Variants in LYPD8 observed in about 807,000 individuals in gnomAD.
LYPD8 encodes the protein LY6/PLAUR domain containing 8.
A neutral mutation model predicts 1.7 loss-of-function variants in LYPD8; 8 were observed. The observed-to-expected ratio is 4.58, with a 90% CI of 2.69 to 8.27. The LOEUF (loss-of-function observed/expected upper bound fraction) is 8.27, where lower values mean the gene tolerates loss of function less well. Among genes scored for constraint, LYPD8 ranks in the 30% most tolerant of loss-of-function variants. The pLI, the probability that LYPD8 is intolerant of heterozygous loss-of-function variation, is 0.00. For synonymous variants in LYPD8, 50 were observed against 43.6 expected, an observed-to-expected ratio of 1.15 and a Z score of -0.58; for missense variants, 112 against 102.3, an observed-to-expected ratio of 1.09 and a Z score of -0.41.
intron 6 of LYPD8, among the ~76,000 whole-genome samples, chr1:248,740,462 T>A (rs781871873): frequency 1.2e-4 from 19 of 152,254 alleles, no homozygotes; most frequent in Non-Finnish European, 2.2e-4. Flanking sequence ...CTGGGGCATT[T>A]GGACAAAAGA....
intron 2 of LYPD8, among the ~76,000 whole-genome samples, chr1:248,752,613 ACATCACAC>A (rs1662819406): frequency 1.6e-5 from 2 of 124,426 alleles, no homozygotes; most frequent in African/African-American, 5.9e-5. Flanking sequence ...CACCCCACAC[ACATCACAC>A]ACACACACCA....
intron 6 of LYPD8, among the ~76,000 whole-genome samples, chr1:248,743,721 G>A (rs1237325741): frequency 3.3e-5 from 5 of 152,190 alleles, no homozygotes; most frequent in African/African-American, 1.2e-4. Flanking sequence ...CTAGCCAGTG[G>A]AATGTGGGAG....
At position 248,751,112 on chromosome 1, in the gene LYPD8, G is replaced by T. The variant is rs1241698789; in HGVS notation, c.-31C>A. 5.0e-6 allele frequency: 2 copies of T among 398,444 alleles called. No homozygotes were observed. The highest frequency in any genetic ancestry group is 8.8e-6 in the Non-Finnish European group (2 of 226,062). The allele number at this position is 398,444 out of a possible 1,614,324, so 24.7% of individuals were successfully genotyped here. A position where few individuals can be genotyped will look rare whatever the true frequency, so the allele number is the denominator to read the frequency against. On this transcript the variant is annotated 5_prime_UTR_variant, in exon 3 of 7. Coordinates refer to ENST00000590317, the MANE Select transcript of LYPD8 (RefSeq NM_001085474.2). ...TGGAGCTGACTTCTCCCAAGGATGG[G>T]GACCACAGGGCCTCAAGCCTGAAAA...
intron 2 of LYPD8, among the ~76,000 whole-genome samples, chr1:248,755,008 C>A (rs1662899563): frequency 6.6e-6 from 1 of 152,048 alleles, no homozygotes. Flanking sequence ...AGAAGGAGAC[C>A]CCAGCAGCCC....
At chr1:248,752,401 G>A (rs1232185624) in intron 2 of LYPD8, among the ~76,000 whole-genome samples, 1 of 151,790 alleles carries the variant, frequency 6.6e-6, no homozygotes, top group African/African-American at 2.4e-5. Flanking sequence ...CAGCTCCAAA[G>A]CCTAGTTGCA....
At chr1:248,741,819 A>G (rs1553283364) in intron 6 of LYPD8, among the ~76,000 whole-genome samples, 1 of 152,236 alleles carries the variant, frequency 6.6e-6, no homozygotes, top group Admixed American at 6.5e-5. Context: ...AGGAGCTTTA[A>G]ATGGATATTA....
intron 2 of LYPD8, among the ~76,000 whole-genome samples, chr1:248,752,802 CCACAACACACACACAT>C (rs1662832180): frequency 1.0e-5 from 1 of 98,184 alleles, no homozygotes. Context: ...ACACCACACC[CCACAACACACACACAT>C]CACATCACAC....
At position 248,753,149 on chromosome 1, in the gene LYPD8, AACACCCCAC is replaced by A. The variant is rs1429946958; in HGVS notation, c.-49-2028_-49-2020del. ...ACACAACACACACACCCCACACACAAACACCCCACACACCACACACACCACATCACACAC... is the reference window on the plus strand; with the variant it reads ...ACACAACACACACACCCCACACACAAACACCACACACACCACATCACACAC... On this transcript the variant is annotated intron_variant, in intron 2 of 6. Transcript: ENST00000590317. 8.6e-3 allele frequency among the ~76,000 whole-genome samples: 550 copies of A among 63,808 alleles called. 9 individuals carry two copies. Among genetic ancestry groups the A allele is most frequent in the African/African-American group, 0.031 (531 of 17,276 alleles). 41.9% of individuals were successfully genotyped at this position (63,808 alleles called of 152,430 possible).
At chr1:248,752,823 TCAC>T (rs2103172749) in intron 2 of LYPD8, among the ~76,000 whole-genome samples, 1 of 22,700 alleles carries the variant, frequency 4.4e-5, no homozygotes, top group African/African-American at 2.4e-4. Context: ...ACACATCACA[TCAC>T]ACACACCACA....
chr1:248,742,317 GT>G (rs200761052), intron 6 of LYPD8, among the ~76,000 whole-genome samples: 7 of 55,658 alleles, frequency 1.3e-4, no homozygotes, highest in Admixed American at 1.6e-4. Flanking sequence ...GATGTTGGCA[GT>G]CGGGGGAGAT....
chr1:248,751,141 A>G lies in LYPD8; in HGVS notation c.-49-11T>C, dbSNP rs1419009256. ...CACAGGGCCTCAAGCCTGAAAAGAC[A>G]CAAAGAAGGCAGCCCCGGGGCCTTG... On this transcript the variant is annotated splice_polypyrimidine_tract_variant and intron_variant, in intron 2 of 6. Coordinates refer to ENST00000590317, the MANE Select transcript of LYPD8 (RefSeq NM_001085474.2). 1 of 398,624 alleles carries G rather than the reference A, an allele frequency of 2.5e-6. No individual in the cohort carries two copies. Among genetic ancestry groups the G allele is most frequent in the Admixed American group, 4.4e-5 (1 of 22,734 alleles). The allele number at this position is 398,624 out of a possible 1,614,324, so 24.7% of individuals were successfully genotyped here. A position where few individuals can be genotyped will look rare whatever the true frequency, so the allele number is the denominator to read the frequency against.
At chr1:248,742,503 A>G (rs868911657) in intron 6 of LYPD8, among the ~76,000 whole-genome samples, 12 of 37,494 alleles carry the variant, frequency 3.2e-4, no homozygotes, top group African/African-American at 1.2e-3. Flanking sequence ...AGCCGGGGAG[A>G]TTATGCTCTG....
Position 248,739,504 on chromosome 1 carries a change from C to T in LYPD8, c.*107G>A. 1 of 1,452,250 alleles carries T rather than the reference C, an allele frequency of 6.9e-7. No individual in the cohort carries two copies. Among genetic ancestry groups the T allele is most frequent in the Non-Finnish European group, 9.3e-7 (1 of 1,078,384 alleles). 90.0% of individuals were successfully genotyped at this position (1,452,250 alleles called of 1,614,324 possible). On this transcript the variant is annotated 3_prime_UTR_variant, in exon 7 of 7. Coordinates refer to ENST00000590317, the MANE Select transcript of LYPD8 (RefSeq NM_001085474.2). The surrounding 1 kb of genome is among the most constrained non-coding windows in gnomAD (Gnocchi z 4.3). ...AGACCTGTGACTCCCACTTACTGGG[C>T]AGTTAAACGGGGCAGAGCAGGGAAA...
intron 2 of LYPD8, among the ~76,000 whole-genome samples, chr1:248,751,425 A>T (rs1197583991): frequency 1.3e-5 from 2 of 151,912 alleles, no homozygotes; most frequent in Non-Finnish European, 2.9e-5. Context: ...TTTTAGTTTC[A>T]CTTTTGGGAT....
intron 2 of LYPD8, among the ~76,000 whole-genome samples, chr1:248,752,775 CAA>C (rs1662828907): frequency 9.2e-6 from 1 of 108,390 alleles, no homozygotes; most frequent in African/African-American, 3.7e-5. Context: ...ACACCCCACA[CAA>C]CACACACCAC....
intron 4 of LYPD8, among the ~76,000 whole-genome samples, chr1:248,749,976 G>C (rs1662770038): frequency 6.6e-6 from 1 of 151,640 alleles, no homozygotes; most frequent in Admixed American, 6.6e-5. Flanking sequence ...TGCTGACACA[G>C]GGTAGTGGTT....
chr1:248,751,448 G>C (rs1662800916), intron 2 of LYPD8, among the ~76,000 whole-genome samples: 2 of 152,228 alleles, frequency 1.3e-5, no homozygotes, highest in South Asian at 4.1e-4. Context: ...GGTCCAAGAA[G>C]AAAGAGCTGG....
At chr1:248,752,507 C>A (rs1662815198) in intron 2 of LYPD8, among the ~76,000 whole-genome samples, 1 of 150,958 alleles carries the variant, frequency 6.6e-6, no homozygotes, top group Non-Finnish European at 1.5e-5. Context: ...CCCACACACA[C>A]CAAACANCCC....
chr1:248,746,533 C>G (rs1662728700), intron 5 of LYPD8, among the ~76,000 whole-genome samples: 2 of 152,274 alleles, frequency 1.3e-5, no homozygotes, highest in East Asian at 1.9e-4. Flanking sequence ...TGAGAGGACA[C>G]AGGAAGGCAG....
Sources: gnomAD v4.1 joint callset for allele counts (sites outside exome capture counted in the v4.1 genomes callset) on GRCh38, gnomAD v4.1.1 for gene constraint, Gnocchi (gnomAD v3.1) non-coding constraint, MANE v1.5 for transcripts, NCBI Gene and HGNC (gene_info 2026-07-23, HGNC 2026-07-21) for gene names.